CADPS: variants seen among roughly 807,000 people sequenced by gnomAD.
The protein encoded by CADPS is calcium dependent secretion activator.
In CADPS, 57 loss-of-function variants were observed where a neutral mutation model predicts 167.3. The ratio of observed to expected loss-of-function variants is 0.34; its 90% confidence interval spans 0.28 to 0.42. CADPS has a LOEUF of 0.42. Among genes scored for constraint, CADPS ranks in the 20% least tolerant of loss-of-function variants. CADPS has a pLI of 1.00. For synonymous variants in CADPS, 676 were observed against 635.3 expected, an observed-to-expected ratio of 1.06 and a Z score of -0.96; for missense variants, 1,414 against 1,738.1, an observed-to-expected ratio of 0.81 and a Z score of 3.32.
Position 62,601,695 on chromosome 3 carries a change from AT to A in CADPS, c.1326-8948del, listed in dbSNP as rs2059996982. 6.6e-6 allele frequency among the ~76,000 whole-genome samples: 1 copy of A among 152,196 alleles called. No individual in the cohort carries two copies. The highest frequency in any genetic ancestry group is 1.5e-5 in the Non-Finnish European group (1 of 68,040). On this transcript the variant is annotated intron_variant, in intron 6 of 29. Transcript: ENST00000383710. The surrounding 1 kb of genome is among the most constrained non-coding windows in gnomAD (Gnocchi z 4.3). ...CTGATCCACTTGAGCTGGCTGACTC[AT>A]TTAGTCACACTACATCATTATTAAT...
chr3:62,868,590 T>C (rs1037172261), intron 1 of CADPS, among the ~76,000 whole-genome samples: 2 of 152,106 alleles, frequency 1.3e-5, no homozygotes, highest in African/African-American at 4.8e-5. Flanking sequence ...CAAAATGCAT[T>C]CGTAGATCAG....
At chr3:62,737,095 G>A (rs1357257111) in intron 3 of CADPS, among the ~76,000 whole-genome samples, 3 of 151,828 alleles carry the variant, frequency 2.0e-5, no homozygotes, top group Middle Eastern at 3.4e-3. Context: ...CCAAGATCAC[G>A]CCACTGCACT....
intron 26 of CADPS, among the ~76,000 whole-genome samples, chr3:62,461,066 C>A (rs890810254): frequency 6.6e-6 from 1 of 152,076 alleles, no homozygotes; most frequent in Non-Finnish European, 1.5e-5. Context: ...CTGCAGGGGC[C>A]CCAGGGTTTA....
chr3:62,462,929 G>C (rs970497100), intron 26 of CADPS, among the ~76,000 whole-genome samples: 4 of 152,208 alleles, frequency 2.6e-5, no homozygotes, highest in African/African-American at 9.6e-5. Flanking sequence ...ACTGGCAGGA[G>C]ATGAGAACAC....
intron 11 of CADPS, 86 bp from the exon 12 acceptor site, chr3:62,536,667 T>A: frequency 1.5e-6 from 2 of 1,354,034 alleles, no homozygotes. Flanking sequence ...AGGAATTCAC[T>A]AGACATTATG....
rs150514874 is a variant in CADPS, at chr3:62,515,552, C to T, written c.2581+507G>A. 3.1e-3 allele frequency among the ~76,000 whole-genome samples: 466 copies of T among 152,160 alleles called. 3 individuals are homozygous for T. The highest frequency in any genetic ancestry group is 1.0e-2 in the African/African-American group (414 of 41,528). On this transcript the variant is annotated intron_variant, in intron 16 of 29. Coordinates refer to ENST00000383710, the MANE Select transcript of CADPS (RefSeq NM_003716.4). ...GCCAACTTGGAGCCATCACAGATGG[C>T]TCAGCACTAACCTGCCATCGAGCTT...
chr3:62,750,352 C>CA (rs2082419842), intron 3 of CADPS, among the ~76,000 whole-genome samples: 1 of 5,142 alleles, frequency 1.9e-4, no homozygotes, highest in Non-Finnish European at 6.3e-4. Context: ...CTCTTAAGCT[C>CA]CAAAAAAAAA....
At chr3:62,521,832 C>T (rs570992787) in intron 13 of CADPS, among the ~76,000 whole-genome samples, 2 of 152,156 alleles carry the variant, frequency 1.3e-5, no homozygotes. Context: ...TGCCTATTCC[C>T]CTACTATTAA....
At chr3:62,466,446 T>G in intron 24 of CADPS, 33 bp from the exon 25 acceptor site, 1 of 1,432,524 alleles carries the variant, frequency 7.0e-7, no homozygotes, top group Non-Finnish European at 9.8e-7. Flanking sequence ...ATTAGCATGT[T>G]TGGGAGGTGA....
At chr3:62,610,496 C>A (rs750834666) in intron 6 of CADPS, among the ~76,000 whole-genome samples, 20 of 152,098 alleles carry the variant, frequency 1.3e-4, no homozygotes, top group Non-Finnish European at 2.8e-4. Context: ...AGTGATCCAC[C>A]CACCTCGGCC....
chr3:62,622,435 C>G (rs1177454281), intron 6 of CADPS, among the ~76,000 whole-genome samples: 1 of 152,094 alleles, frequency 6.6e-6, no homozygotes, highest in Non-Finnish European at 1.5e-5. Context: ...CAATCAGGCC[C>G]ATATGCATAC....
At chr3:62,859,946 G>A (rs904188577) in intron 1 of CADPS, among the ~76,000 whole-genome samples, 8 of 152,094 alleles carry the variant, frequency 5.3e-5, no homozygotes, top group Non-Finnish European at 1.2e-4. Context: ...CTCTGCCTTG[G>A]TTTAGTGTTA....
intron 6 of CADPS, among the ~76,000 whole-genome samples, chr3:62,604,651 C>T (rs892610181): frequency 2.6e-5 from 4 of 152,330 alleles, no homozygotes; most frequent in East Asian, 1.9e-4. Flanking sequence ...GTCAGTGTTG[C>T]CTTCTCTGAA....
intron 9 of CADPS, among the ~76,000 whole-genome samples, chr3:62,562,154 G>A (rs984332560): frequency 1.3e-5 from 2 of 152,204 alleles, no homozygotes; most frequent in African/African-American, 4.8e-5. Flanking sequence ...AGGAATTCCT[G>A]AGGAAGCATT....
intron 1 of CADPS, among the ~76,000 whole-genome samples, chr3:62,830,893 C>T (rs112553867): frequency 6.6e-6 from 1 of 152,148 alleles, no homozygotes; most frequent in African/African-American, 2.4e-5. Context: ...CACATATCCT[C>T]ATGCAAATTG....
chr3:62,851,406 C>A (rs1214672370), intron 1 of CADPS, among the ~76,000 whole-genome samples: 1 of 139,052 alleles, frequency 7.2e-6, no homozygotes, highest in Admixed American at 7.2e-5. Context: ...TTTGCAGCGG[C>A]TGGTACTGGT....
At chr3:62,715,562 A>C (rs1488339414) in intron 3 of CADPS, among the ~76,000 whole-genome samples, 1 of 151,072 alleles carries the variant, frequency 6.6e-6, no homozygotes, top group Non-Finnish European at 1.5e-5. Flanking sequence ...AAATATCATA[A>C]ATACTATAAT....
At chr3:62,540,313 C>T (rs1438155410) in intron 11 of CADPS, among the ~76,000 whole-genome samples, 1 of 151,972 alleles carries the variant, frequency 6.6e-6, no homozygotes, top group African/African-American at 2.4e-5. Flanking sequence ...TCCAGTTTCT[C>T]TGTGGTCAAG....
intron 3 of CADPS, among the ~76,000 whole-genome samples, chr3:62,750,089 T>C (rs1258336356): frequency 1.3e-5 from 2 of 152,136 alleles, no homozygotes; most frequent in African/African-American, 2.4e-5. Flanking sequence ...CGGTGGCTCA[T>C]GCCTATAATC....
Sources: gnomAD v4.1 joint callset for allele counts (sites outside exome capture counted in the v4.1 genomes callset) on GRCh38, gnomAD v4.1.1 for gene constraint, Gnocchi (gnomAD v3.1) non-coding constraint, MANE v1.5 for transcripts, NCBI Gene and HGNC (gene_info 2026-07-23, HGNC 2026-07-21) for gene names.